The following PLAC1 variants were observed in gnomAD, a reference collection of about 807,000 sequenced individuals.
The protein encoded by PLAC1 is placenta associated 1.
For missense variants in PLAC1, 136 were observed against 163.2 expected (o/e 0.83, Z 0.91); for synonymous variants, 68 against 62.1 (o/e 1.09, Z -0.44).
intron 1 of PLAC1, among the ~76,000 whole-genome samples, chrX:134,756,991 G>T (rs1454948229): frequency 8.9e-6 from 1 of 112,062 alleles, no homozygotes; most frequent in African/African-American, 3.2e-5. Context: ...AGAATTTGAA[G>T]TGACATGAAA....
At position 134,592,720 on chromosome X, in the gene PLAC1, CTT is replaced by C. The variant is rs141372595; in HGVS notation, c.-59+9329_-59+9330del. On this transcript the variant is annotated intron_variant, in intron 2 of 2. Transcript: ENST00000359237. ...TCAATCAATCTCTCTCTCTGTGTCT[CTT>C]TTTTTTTTTTTTTTTTTTTGAGACA... Among the ~76,000 whole-genome samples, 79 of 61,416 alleles carry C rather than the reference CTT, an allele frequency of 1.3e-3. No individual in the cohort carries two copies. In the East Asian group the frequency reaches 0.023, roughly 18 times the overall value. The allele number at this position is 61,416 out of a possible 115,157, so 53.3% of individuals were successfully genotyped here.
chrX:134,751,118 G>T (rs1245849193), intron 1 of PLAC1, among the ~76,000 whole-genome samples: 1 of 81,886 alleles, frequency 1.2e-5, no homozygotes, highest in African/African-American at 4.9e-5. Context: ...GCAAGGCTCT[G>T]TCAAAAAAAA....
At chrX:134,571,632 G>T (rs2077908577) in intron 2 of PLAC1, among the ~76,000 whole-genome samples, 2 of 111,777 alleles carry the variant, frequency 1.8e-5, no homozygotes, top group African/African-American at 6.5e-5. Context: ...TAAGCACAGA[G>T]CATTTTTAAT....
chrX:134,713,755 G>A (rs2078635137), intron 2 of PLAC1, among the ~76,000 whole-genome samples: 1 of 112,175 alleles, frequency 8.9e-6, no homozygotes, highest in African/African-American at 3.2e-5. Flanking sequence ...GAGAAGACGG[G>A]CCTAATTACC....
At chrX:134,687,742 G>A (rs778075984) in intron 2 of PLAC1, among the ~76,000 whole-genome samples, 43 of 98,062 alleles carry the variant, frequency 4.4e-4, no homozygotes, top group Non-Finnish European at 3.2e-4. Flanking sequence ...CTCTTTAAAC[G>A]TCACTTTTCT....
intron 1 of PLAC1, among the ~76,000 whole-genome samples, chrX:134,756,178 A>G (rs938448125): frequency 3.6e-5 from 4 of 110,350 alleles, no homozygotes; most frequent in African/African-American, 1.3e-4. Flanking sequence ...GACTTTGCCT[A>G]TCTGATTTTT....
chrX:134,756,977 A>T (rs1393723250), intron 1 of PLAC1, among the ~76,000 whole-genome samples: 1 of 112,401 alleles, frequency 8.9e-6, no homozygotes, highest in Non-Finnish European at 1.9e-5. Flanking sequence ...ATTAATTTTA[A>T]AAAAGAATTT....
intron 1 of PLAC1, among the ~76,000 whole-genome samples, chrX:134,755,151 G>A (rs749769619): frequency 1.8e-5 from 2 of 111,550 alleles, no homozygotes; most frequent in African/African-American, 6.5e-5. Flanking sequence ...AAATTAGGGA[G>A]AAAAAATAGG....
At chrX:134,652,198 G>C (rs772842228) in intron 1 of PLAC1, among the ~76,000 whole-genome samples, 34 of 111,910 alleles carry the variant, frequency 3.0e-4, no homozygotes, top group Non-Finnish European at 4.7e-4. Flanking sequence ...GCTTAGGCTG[G>C]AATTGCTGGG....
At chrX:134,728,107 G>A (rs1602939539) in intron 2 of PLAC1, among the ~76,000 whole-genome samples, 1 of 111,761 alleles carries the variant, frequency 8.9e-6, no homozygotes, top group South Asian at 3.7e-4. Flanking sequence ...AAAGAAAAAC[G>A]AATGAAGAAA....
At chrX:134,680,593 CT>C (rs1416273449) in intron 2 of PLAC1, among the ~76,000 whole-genome samples, 3,455 of 107,482 alleles carry the variant, frequency 0.032, 71 homozygotes, top group Admixed American at 0.056. Flanking sequence ...CTAAACTAAA[CT>C]AAACTAAACT....
At chrX:134,619,959 T>C (rs1269850090) in intron 1 of PLAC1, among the ~76,000 whole-genome samples, 3 of 112,160 alleles carry the variant, frequency 2.7e-5, no homozygotes, top group Non-Finnish European at 3.8e-5. Flanking sequence ...TTTTTGTTTG[T>C]TTGTTTGTTC....
intron 1 of PLAC1, among the ~76,000 whole-genome samples, chrX:134,754,007 C>T (rs944871702): frequency 8.9e-6 from 1 of 112,379 alleles, no homozygotes; most frequent in Non-Finnish European, 1.9e-5. Context: ...TTGCATATAG[C>T]ATCTGAGTTC....
intron 1 of PLAC1, among the ~76,000 whole-genome samples, chrX:134,637,415 C>A (rs1435684763): frequency 1.8e-5 from 2 of 112,007 alleles, no homozygotes. Context: ...TGTCCATTAA[C>A]CATACTTATT....
chrX:134,743,773 T>C (rs1397422927), intron 1 of PLAC1, among the ~76,000 whole-genome samples: 2 of 111,737 alleles, frequency 1.8e-5, no homozygotes, highest in Non-Finnish European at 3.8e-5. Flanking sequence ...TATCTCAAAA[T>C]CAGCAAGAGA....
chrX:134,754,098 T>G (rs986122658), intron 1 of PLAC1, among the ~76,000 whole-genome samples: 1 of 112,298 alleles, frequency 8.9e-6, no homozygotes, highest in Admixed American at 9.5e-5. Flanking sequence ...CTTTAAACTT[T>G]TTTCTATTTT....
intron 2 of PLAC1, among the ~76,000 whole-genome samples, chrX:134,711,248 A>G (rs190933826): frequency 5.6e-4 from 63 of 112,047 alleles, no homozygotes; most frequent in Middle Eastern, 4.7e-3. Context: ...ACACTTCCCC[A>G]CTCAATTATG....
At position 134,655,364 on chromosome X, in the gene PLAC1, C is replaced by CACAT. The variant is rs1556118829; in HGVS notation, c.-131+2963_-131+2964insATGT. Among the ~76,000 whole-genome samples the CACAT allele has an allele frequency of 1.2e-3, 123 of 101,302 alleles. 4 individuals are homozygous for CACAT. The highest frequency in any genetic ancestry group is 1.0e-3 in the Non-Finnish European group (51 of 49,426). 88.0% of individuals were successfully genotyped at this position (101,302 alleles called of 115,157 possible). On this transcript the variant is annotated intron_variant, in intron 1 of 2. Coordinates refer to ENST00000359237, the MANE Select transcript of PLAC1 (RefSeq NM_021796.4). The stretch of plus-strand genomic sequence containing the variant: ...ACACACACACACACACACACACACA[C>CACAT]ATATATTTGAAGGTCACAGGCATCA...
At chrX:134,741,296 C>T (rs2078716372) in intron 1 of PLAC1, among the ~76,000 whole-genome samples, 1 of 111,571 alleles carries the variant, frequency 9.0e-6, no homozygotes, top group South Asian at 3.8e-4. Flanking sequence ...AAAAGTATAC[C>T]CGTAACGAAT....
Sources: gnomAD v4.1 joint callset for allele counts (sites outside exome capture counted in the v4.1 genomes callset) on GRCh38, gnomAD v4.1.1 for gene constraint, MANE v1.5 for transcripts, NCBI Gene and HGNC (gene_info 2026-07-23, HGNC 2026-07-21) for gene names.